Variants in PELP1 observed in about 807,000 individuals in gnomAD.
PELP1 encodes the protein proline-, glutamic acid- and leucine-rich protein 1.
PELP1 carries 32 observed loss-of-function variants against 95.5 expected under a neutral mutation model. That is an observed-to-expected ratio of 0.34 (90% confidence interval 0.25 to 0.45). The LOEUF (loss-of-function observed/expected upper bound fraction) is 0.45, where lower values mean the gene tolerates loss of function less well. Among genes scored for constraint, PELP1 ranks in the 20% least tolerant of loss-of-function variants. PELP1 has a pLI of 1.00. For missense variants in PELP1, 1,358 were observed against 1,444.8 expected, an observed-to-expected ratio of 0.94 and a Z score of 0.97; for synonymous variants, 668 against 600.1, an observed-to-expected ratio of 1.11 and a Z score of -1.65.
At chr17:4,699,335 G>A (rs754379809) in intron 1 of PELP1, among the ~76,000 whole-genome samples, 3 of 151,606 alleles carry the variant, frequency 2.0e-5, no homozygotes, top group South Asian at 4.2e-4. Context: ...AGCCAAAATC[G>A]CACCACTGCA....
chr17:4,700,552 A>G (rs1913483239), intron 1 of PELP1, among the ~76,000 whole-genome samples: 1 of 152,122 alleles, frequency 6.6e-6, no homozygotes, highest in Non-Finnish European at 1.5e-5. Context: ...GCTGAGGCCT[A>G]CGTAGAAGAC....
chr17:4,675,627 T>G lies in PELP1; in HGVS notation c.1068+170A>C. The G allele has an allele frequency of 1.4e-6, 1 of 718,210 alleles. No individual in the cohort carries two copies. The highest frequency in any genetic ancestry group is 2.6e-6 in the Non-Finnish European group (1 of 391,812). 44.5% of individuals were successfully genotyped at this position (718,210 alleles called of 1,614,324 possible). On this transcript the variant is annotated intron_variant, in intron 9 of 16. Coordinates refer to ENST00000572293, the MANE Select transcript of PELP1 (RefSeq NM_014389.3). The surrounding 1 kb of genome is among the most constrained non-coding windows in gnomAD (Gnocchi z 4.3). ...GGAAGCATTTGCTACACTCTGACAC[T>G]GTGCTCCTGTGTCACGACACATAGG...
At chr17:4,688,292 G>A (rs149973117) in intron 3 of PELP1, among the ~76,000 whole-genome samples, 25 of 151,874 alleles carry the variant, frequency 1.6e-4, no homozygotes, top group African/African-American at 4.1e-4. Context: ...CCAAGTCTGT[G>A]CCACTGCACT....
intron 1 of PELP1, among the ~76,000 whole-genome samples, chr17:4,693,076 C>A (rs1218546297): frequency 6.6e-6 from 1 of 152,170 alleles, no homozygotes. Flanking sequence ...TTGATACTCT[C>A]AAATATTTAC....
intron 1 of PELP1, among the ~76,000 whole-genome samples, chr17:4,699,897 ATTTTT>A (rs34806511): frequency 3.5e-5 from 3 of 86,740 alleles, no homozygotes; most frequent in African/African-American, 9.4e-5. Flanking sequence ...CTAGAGGGTG[ATTTTT>A]TTTTTTTTTT....
At chr17:4,687,103 C>G (rs974487826) in intron 3 of PELP1, among the ~76,000 whole-genome samples, 2 of 152,106 alleles carry the variant, frequency 1.3e-5, no homozygotes, top group African/African-American at 4.8e-5. Flanking sequence ...AAAAGCTCTC[C>G]CTGGACTGCT....
At chr17:4,691,130 G>A in intron 2 of PELP1, 137 bp from the exon 3 acceptor site, 3 of 680,036 alleles carry the variant, frequency 4.4e-6, no homozygotes, top group South Asian at 1.8e-5. Flanking sequence ...TGAAATACTT[G>A]GAATGAGGTG....
At chr17:4,698,007 G>A (rs906448240) in intron 1 of PELP1, among the ~76,000 whole-genome samples, 2 of 145,560 alleles carry the variant, frequency 1.4e-5, no homozygotes, top group African/African-American at 2.6e-5. Flanking sequence ...ATTTCTGCAA[G>A]GTTTTTTTTT....
At chr17:4,702,119 T>C (rs1357436084) in intron 1 of PELP1, among the ~76,000 whole-genome samples, 3 of 152,004 alleles carry the variant, frequency 2.0e-5, no homozygotes, top group Non-Finnish European at 4.4e-5. Flanking sequence ...CAAATACTTA[T>C]AAAAAAAATT....
intron 3 of PELP1, among the ~76,000 whole-genome samples, chr17:4,687,498 C>CA (rs61629319): frequency 9.3e-5 from 10 of 107,324 alleles, no homozygotes; most frequent in African/African-American, 3.1e-4. Context: ...GACTCCATCT[C>CA]AAAAAAAAAA....
intron 3 of PELP1, chr17:4,683,208 A>C: frequency 3.8e-6 from 2 of 529,346 alleles, no homozygotes; most frequent in Non-Finnish European, 5.3e-6. Context: ...GACCTGATTA[A>C]CTGAAGAGTT....
chr17:4,694,666 AAT>A (rs1420685877), intron 1 of PELP1, among the ~76,000 whole-genome samples: 2 of 148,074 alleles, frequency 1.4e-5, no homozygotes, highest in African/African-American at 2.5e-5. Flanking sequence ...CCTCAAAAAA[AAT>A]AAAATAAAAT....
At chr17:4,676,675 G>C (rs1567662105) in intron 6 of PELP1, 78 bp downstream of exon 6, 6 of 1,417,896 alleles carry the variant, frequency 4.2e-6, no homozygotes, top group Non-Finnish European at 4.9e-6. Context: ...AGGCAGGACA[G>C]AAAAGCTAGA....
At chr17:4,681,725 G>A (rs1461033918) in intron 5 of PELP1, among the ~76,000 whole-genome samples, 4 of 151,824 alleles carry the variant, frequency 2.6e-5, no homozygotes, top group East Asian at 1.9e-4. Context: ...GCTTGAACCC[G>A]GGAGGCAGAG....
intron 1 of PELP1, among the ~76,000 whole-genome samples, chr17:4,696,088 G>A (rs1161234417): frequency 6.6e-6 from 1 of 151,192 alleles, no homozygotes; most frequent in Non-Finnish European, 1.5e-5. Flanking sequence ...CCAACACTGG[G>A]AGGCCAAGGC....
rs1488454446 is a variant in PELP1 at position 4,675,720 on chromosome 17, G to A, written c.1068+77C>T. On this transcript the variant is annotated intron_variant, in intron 9 of 16. Coordinates refer to ENST00000572293, the MANE Select transcript of PELP1 (RefSeq NM_014389.3). The surrounding 1 kb of genome is among the most constrained non-coding windows in gnomAD (Gnocchi z 4.3). ...ACTCCAGGATGACACTGTTTGGGGA[G>A]ACTCAGGTCCCCAGTACTTTCCTGG... is the stretch of plus-strand genomic sequence containing the variant. 1 of 1,025,428 alleles carries A rather than the reference G, an allele frequency of 9.8e-7. No individual in the cohort carries two copies. Among genetic ancestry groups the A allele is most frequent in the Non-Finnish European group, 1.5e-6 (1 of 666,236 alleles). The allele number at this position is 1,025,428 out of a possible 1,614,324, so 63.5% of individuals were successfully genotyped here. A position where few individuals can be genotyped will look rare whatever the true frequency, so the allele number is the denominator to read the frequency against.
At position 4,683,368 on chromosome 17, in the gene PELP1, C is replaced by T. The variant is rs1244606566; in HGVS notation, c.421-416G>A. Reference sequence around the variant, plus strand: ...CCCGAGTAGCTGAGACTACAAGCGCCCGCCACCACGCCTGACTAATTTTTT... The same window carrying T: ...CCCGAGTAGCTGAGACTACAAGCGCTCGCCACCACGCCTGACTAATTTTTT... On this transcript the variant is annotated intron_variant, in intron 3 of 16. Transcript: ENST00000572293. Among the ~76,000 whole-genome samples, 2 of 151,426 alleles carry T rather than the reference C, an allele frequency of 1.3e-5. 1 individual carries two copies. The highest frequency in any genetic ancestry group is 2.9e-5 in the Non-Finnish European group (2 of 67,826).
intron 3 of PELP1, among the ~76,000 whole-genome samples, chr17:4,687,896 G>A (rs1912963381): frequency 1.3e-5 from 2 of 152,132 alleles, no homozygotes; most frequent in Admixed American, 1.3e-4. Context: ...TATGAAAAAC[G>A]CACAACCAAC....
chr17:4,690,771 G>A (rs1913070319), intron 3 of PELP1, 117 bp downstream of exon 3: 2 of 660,616 alleles, frequency 3.0e-6, no homozygotes, highest in Non-Finnish European at 5.3e-6. Flanking sequence ...TCAGGGAATT[G>A]TTTCCAATTA....
Sources: allele counts gnomAD v4.1 joint callset (sites outside exome capture counted in the v4.1 genomes callset), GRCh38; gene constraint gnomAD v4.1.1; non-coding constraint Gnocchi (gnomAD v3.1); transcripts MANE v1.5; gene names NCBI Gene and HGNC (gene_info 2026-07-23, HGNC 2026-07-21).